Variants in KANK3 observed in about 807,000 individuals in gnomAD.
The protein encoded by KANK3 is KN motif and ankyrin repeat domain-containing protein 3.
In KANK3, 61 loss-of-function variants were observed where a neutral mutation model predicts 65.4. The observed-to-expected ratio is 0.93, with a 90% CI of 0.76 to 1.15. The LOEUF is 1.15. Ranked by LOEUF, KANK3 falls within the 50% of genes most tolerant of loss-of-function variation. KANK3 has a pLI of 0.00. For missense variants in KANK3, 1,187 were observed against 1,178.8 expected (o/e 1.01, Z -0.10); for synonymous variants, 586 against 543.3 (o/e 1.08, Z -1.09).
rs917278312 is a variant in KANK3, at chr19:8,334,781, G to T, written c.1046C>A (p.Ala349Glu). 1 of 1,499,082 alleles carries T rather than the reference G, an allele frequency of 6.7e-7. No individual in the cohort carries two copies. The highest frequency in any genetic ancestry group is 8.8e-7 in the Non-Finnish European group (1 of 1,132,900). 92.9% of individuals were successfully genotyped at this position (1,499,082 alleles called of 1,614,324 possible). A position where few individuals can be genotyped will look rare whatever the true frequency, so the allele number is the denominator to read the frequency against. ...WVTEALLGLP[A>E]AAERELELLR... ...CAGCTCTAGCTCGCGCTCGGCGGCC[G>T]CAGGCAGCCCCAGCAGCGCCTCGGT... Residue 349 changes from alanine to glutamate, a missense_variant, in exon 3 of 11, where the codon GCG becomes GAG. By Grantham distance (107) the Ala-to-Glu change is moderately radical. This residue lies in a region of KANK3 where 1,078 missense variants were observed against 1,038.2 expected (regional missense o/e 1.04). Transcript: ENST00000330915.
intron 2 of KANK3, among the ~76,000 whole-genome samples, chr19:8,336,591 TATAC>T (rs1357919548): frequency 4.1e-4 from 19 of 45,938 alleles, no homozygotes; most frequent in African/African-American, 6.1e-4. Flanking sequence ...TATATACACA[TATAC>T]ATATATATAC....
rs765766586 is a variant in KANK3 at position 8,334,767 on chromosome 19, C to A, written c.1060G>T (p.Glu354Ter). ...AGACTGGCGCGCAGCAGCTCTAGCT[C>A]GCGCTCGGCGGCCGCAGGCAGCCCC... is the stretch of plus-strand genomic sequence containing the variant. Reference protein sequence around the residue: ...LLGLPAAAERELELLRASLEH... With the variant: ...LLGLPAAAER The change falls in exon 3 of 11, where the codon GAG becomes TAG. Residue 354 changes from glutamate (E) to a stop codon, truncating the protein, a stop_gained. Coordinates refer to ENST00000330915, the MANE Select transcript of KANK3 (RefSeq NM_198471.3). LOFTEE classifies it high-confidence loss of function. 3 of 1,504,180 alleles carry A rather than the reference C, an allele frequency of 2.0e-6. No individual in the cohort carries two copies. Among genetic ancestry groups the A allele is most frequent in the Non-Finnish European group, 2.6e-6 (3 of 1,135,188 alleles). The allele number at this position is 1,504,180 out of a possible 1,614,324, so 93.2% of individuals were successfully genotyped here.
chr19:8,328,800 G>A (rs1379754496), intron 7 of KANK3, among the ~76,000 whole-genome samples: 1 of 152,080 alleles, frequency 6.6e-6, no homozygotes, highest in African/African-American at 2.4e-5. Flanking sequence ...TACCTGTAAA[G>A]CTGATGTGGG....
chr19:8,337,034 G>C (rs1046099612), intron 2 of KANK3, among the ~76,000 whole-genome samples: 1 of 119,578 alleles, frequency 8.4e-6, no homozygotes, highest in African/African-American at 3.5e-5. Flanking sequence ...TTTTTGTTTT[G>C]TTTTTTTCTT....
intron 1 of KANK3, among the ~76,000 whole-genome samples, chr19:8,339,361 G>GTTTT (rs71175840): frequency 7.9e-5 from 11 of 138,948 alleles, no homozygotes; most frequent in African/African-American, 8.1e-5. Flanking sequence ...ATCTCTTTTT[G>GTTTT]TTTTTTTTTT....
At chr19:8,327,511 G>A (rs553976589) in intron 7 of KANK3, among the ~76,000 whole-genome samples, 3 of 152,202 alleles carry the variant, frequency 2.0e-5, no homozygotes, top group African/African-American at 7.2e-5. Flanking sequence ...TGCGCCTGTA[G>A]TCCCAGCTAC....
At chr19:8,325,181 C>A in intron 7 of KANK3, 85 bp from the exon 8 acceptor site, 1 of 1,432,994 alleles carries the variant, frequency 7.0e-7, no homozygotes, top group Admixed American at 2.4e-5. Context: ...GCCTCGGGCA[C>A]AGCACCTGCA....
intron 7 of KANK3, among the ~76,000 whole-genome samples, chr19:8,327,037 T>C (rs1159931464): frequency 6.6e-6 from 1 of 152,212 alleles, no homozygotes; most frequent in Admixed American, 6.5e-5. Context: ...GGAGTGGCTG[T>C]TTTAATCCCT....
Position 8,324,460 on chromosome 19 carries a change from G to A in KANK3, c.2371C>T (p.Pro791Ser), listed in dbSNP as rs147910046. 610 of 1,603,596 alleles carry A rather than the reference G, an allele frequency of 3.8e-4. 3 individuals carry two copies. The African/African-American group carries it at 7.4e-3, about 19-fold the overall frequency. The change falls in exon 10 of 11, where the codon CCC (proline) becomes TCC (serine). Residue 791 changes from proline to serine, a missense_variant. Pro to Ser is a moderately conservative substitution (Grantham distance 74). Transcript: ENST00000330915. ...AGAGCTGTGCTCACCTGGGTGTCGG[G>A]CTGGCCCGAGCTCAGGTGGGCATGT... is the stretch of plus-strand genomic sequence containing the variant. ...LLHAHLSSGQ[P>S]DTQSESPPGS...
chr19:8,338,017 ACT>A, intron 1 of KANK3, 161 bp from the exon 2 acceptor site: 48 of 641,436 alleles, frequency 7.5e-5, no homozygotes, highest in Non-Finnish European at 8.9e-5. Context: ...AAACCTTGAA[ACT>A]TTTTTTTTTT....
rs746731911 is a variant in KANK3 at position 8,324,743 on chromosome 19, C to T, written c.2170G>A (p.Ala724Thr). 1 of 1,614,090 alleles carries T rather than the reference C, an allele frequency of 6.2e-7. No individual in the cohort carries two copies. Among genetic ancestry groups the T allele is most frequent in the South Asian group, 1.1e-5 (1 of 91,092 alleles). Residue 724 changes from alanine to threonine, a missense_variant, in exon 9 of 11, where the codon GCG becomes ACG. Around this residue, in one of 3 missense-constraint regions of KANK3, gnomAD observed 1,078 missense variants for 1,038.2 expected, o/e 1.04. Transcript: ENST00000330915. ...GCTGTGGCCCCATCCGCATCCTGCG[C>T]ATTCACATCAGCCCCACACGCCAGT... ...TLLACGADVNAQDADGATALM... is the reference protein window; with the variant it reads ...TLLACGADVNTQDADGATALM...
chr19:8,332,336 C>T (rs1437861471), intron 7 of KANK3, among the ~76,000 whole-genome samples: 2 of 151,886 alleles, frequency 1.3e-5, no homozygotes, highest in African/African-American at 2.4e-5. Flanking sequence ...TACCACCACA[C>T]CCAGCTAATT....
chr19:8,337,994 C>T, intron 1 of KANK3, 138 bp from the exon 2 acceptor site: 1 of 1,432,318 alleles, frequency 7.0e-7, no homozygotes, highest in African/African-American at 1.4e-5. Context: ...CCTCTCCTTC[C>T]TCTTCCCTAA....
chr19:8,326,686 A>G (rs1203085299), intron 7 of KANK3, among the ~76,000 whole-genome samples: 2 of 149,904 alleles, frequency 1.3e-5, no homozygotes. Context: ...AGTCCCAGCT[A>G]CTCAGGAGGC....
chr19:8,329,492 C>CAAAAAAAAAAA (rs59607185), intron 7 of KANK3, among the ~76,000 whole-genome samples: 2 of 51,124 alleles, frequency 3.9e-5, no homozygotes, highest in Non-Finnish European at 7.4e-5. Context: ...GACTCGGCCT[C>CAAAAAAAAAAA]AAAAAAAAAA....
At chr19:8,336,383 G>A (rs1375922082) in intron 2 of KANK3, among the ~76,000 whole-genome samples, 5 of 150,490 alleles carry the variant, frequency 3.3e-5, no homozygotes, top group Non-Finnish European at 7.4e-5. Flanking sequence ...TTTGAGGTGA[G>A]CCGAGATCGC....
chr19:8,330,732 A>AAAAAAAAAT (rs1970508667), intron 7 of KANK3, among the ~76,000 whole-genome samples: 1 of 150,566 alleles, frequency 6.6e-6, no homozygotes, highest in African/African-American at 2.5e-5. Context: ...CCATCTCAAA[A>AAAAAAAAAT]AAAAAAATAC....
intron 2 of KANK3, among the ~76,000 whole-genome samples, 159 bp downstream of exon 2, chr19:8,337,636 G>A (rs981580544): frequency 2.6e-5 from 4 of 152,054 alleles, no homozygotes; most frequent in Non-Finnish European, 4.4e-5. Context: ...ATGAGCCACC[G>A]CACCCGGCCA....
At chr19:8,340,585 G>A (rs1189800291) in intron 1 of KANK3, among the ~76,000 whole-genome samples, 1 of 152,044 alleles carries the variant, frequency 6.6e-6, no homozygotes, top group Non-Finnish European at 1.5e-5. Context: ...TAACCACATG[G>A]CAACACTCCC....
Sources: allele counts gnomAD v4.1 joint callset (sites outside exome capture counted in the v4.1 genomes callset), GRCh38; gene constraint gnomAD v4.1.1; regional missense constraint gnomAD v4.1.1; transcripts MANE v1.5; gene names NCBI Gene and HGNC (gene_info 2026-07-23, HGNC 2026-07-21).